PCDHGA5: variants seen among roughly 807,000 people sequenced by gnomAD.
PCDHGA5 encodes protocadherin gamma-A5.
PCDHGA5 carries 36 observed loss-of-function variants against 56.7 expected under a neutral mutation model. That is an observed-to-expected ratio of 0.64 (90% confidence interval 0.49 to 0.84). The LOEUF is 0.84. Among genes scored for constraint, PCDHGA5 ranks in the 40% least tolerant of loss-of-function variants. The pLI is 0.00. For missense variants in PCDHGA5, 1,305 were observed against 1,201.5 expected (o/e 1.09, Z -1.27); for synonymous variants, 563 against 520.2 (o/e 1.08, Z -1.12).
Position 141,477,678 on chromosome 5 carries a change from C to T in PCDHGA5, c.2422-17129C>T, listed in dbSNP as rs967769574. ...AATCGTGACAATGGCATAGTGTCAT[C>T]CTTAGTGCCCCTAGACTATGAGGAT... On this transcript the variant is annotated intron_variant, in intron 1 of 3. Coordinates refer to ENST00000518069, the MANE Select transcript of PCDHGA5 (RefSeq NM_018918.3). This position sits in a 1 kb window ranked among gnomAD's most constrained non-coding sequence, Gnocchi z 4.9. 9.9e-6 allele frequency: 16 copies of T among 1,614,182 alleles called. No homozygotes were observed. The highest frequency in any genetic ancestry group is 1.1e-5 in the Non-Finnish European group (13 of 1,180,046).
chr5:141,374,131 C>T (rs1425329910), intron 1 of PCDHGA5: 4 of 1,604,596 alleles, frequency 2.5e-6, no homozygotes, highest in Non-Finnish European at 8.5e-7. Context: ...AGGTCCTGCT[C>T]CTCACGCTCC....
At chr5:141,402,946 G>A (rs1012771364) in intron 1 of PCDHGA5, 1 of 1,592,686 alleles carries the variant, frequency 6.3e-7, no homozygotes, top group African/African-American at 1.4e-5. Flanking sequence ...TCCAAAGCGA[G>A]GCAGCAATGG....
chr5:141,403,634 A>T, intron 1 of PCDHGA5: 1 of 1,613,920 alleles, frequency 6.2e-7, no homozygotes, highest in Non-Finnish European at 8.5e-7. Flanking sequence ...CACAGTGCGC[A>T]TCCATGTGAC....
intron 1 of PCDHGA5, chr5:141,367,812 C>T (rs1012186611): frequency 2.6e-5 from 4 of 151,872 alleles, no homozygotes; most frequent in African/African-American, 9.7e-5. Context: ...ATAGATAAAC[C>T]CTTTACTTAT....
chr5:141,423,065 G>C, intron 1 of PCDHGA5: 1 of 1,614,138 alleles, frequency 6.2e-7, no homozygotes, highest in Non-Finnish European at 8.5e-7. Flanking sequence ...CTTAAGGCCA[G>C]CGAGCCGGGA....
intron 1 of PCDHGA5, chr5:141,422,738 C>G: frequency 6.2e-7 from 1 of 1,609,538 alleles, no homozygotes; most frequent in Non-Finnish European, 8.5e-7. Flanking sequence ...CCTCTGTCCT[C>G]CTATGTCTCT....
At chr5:141,446,766 C>T (rs1335326278) in intron 1 of PCDHGA5, among the ~76,000 whole-genome samples, 7 of 152,208 alleles carry the variant, frequency 4.6e-5, no homozygotes, top group East Asian at 3.9e-4. Context: ...CGCGCCCAGC[C>T]GGTTACCATT....
intron 3 of PCDHGA5, 61 bp downstream of exon 3, chr5:141,505,542 A>G (rs2099846540): frequency 6.2e-7 from 1 of 1,604,832 alleles, no homozygotes; most frequent in African/African-American, 1.3e-5. Context: ...GGTGCATCTC[A>G]CAGCCACCAT....
Position 141,490,140 on chromosome 5 carries a change from G to T in PCDHGA5, c.2422-4667G>T. On this transcript the variant is annotated intron_variant, in intron 1 of 3. Transcript: ENST00000518069. This position sits in a 1 kb window ranked among gnomAD's most constrained non-coding sequence, Gnocchi z 5.4. Reference sequence around the variant, plus strand: ...TCTTTGGCCTAGACCCTAGCAGTGGGGCAATCCATGTGTTGGGTCCCATAG... The same window carrying T: ...TCTTTGGCCTAGACCCTAGCAGTGGTGCAATCCATGTGTTGGGTCCCATAG... 1 of 1,614,206 alleles carries T rather than the reference G, an allele frequency of 6.2e-7. No homozygotes were observed. The highest frequency in any genetic ancestry group is 8.5e-7 in the Non-Finnish European group (1 of 1,180,026).
intron 1 of PCDHGA5, chr5:141,419,481 C>A (rs2096389716): frequency 2.5e-6 from 4 of 1,612,424 alleles, no homozygotes; most frequent in Non-Finnish European, 3.4e-6. Context: ...GGCTCGCCCG[C>A]GCTCAGCGCC....
intron 1 of PCDHGA5, among the ~76,000 whole-genome samples, chr5:141,456,244 T>C (rs1382294283): frequency 6.6e-6 from 1 of 152,144 alleles, no homozygotes; most frequent in East Asian, 1.9e-4. Context: ...GTTAGGAGGC[T>C]TTGGGCGACC....
rs761938460 is a variant in PCDHGA5 at position 141,393,330 on chromosome 5, AG to A, written c.2421+26580del. On this transcript the variant is annotated intron_variant, in intron 1 of 3. Coordinates refer to ENST00000518069, the MANE Select transcript of PCDHGA5 (RefSeq NM_018918.3). The stretch of plus-strand genomic sequence containing the variant: ...GAACTCCCTCCAGAGCTACCAGCTC[AG>A]CCCCAATCACCACTTCTCCCTGGAC... The A allele has an allele frequency of 3.7e-6, 6 of 1,611,072 alleles. No individual in the cohort carries two copies. In the African/African-American group the frequency reaches 6.8e-5, roughly 18 times the overall value.
At chr5:141,399,758 T>G in intron 1 of PCDHGA5, 1 of 1,613,334 alleles carries the variant, frequency 6.2e-7, no homozygotes, top group Non-Finnish European at 8.5e-7. Context: ...AACGTGAGCC[T>G]GCGCGTGTTG....
chr5:141,404,919 C>T, intron 1 of PCDHGA5: 1 of 1,613,924 alleles, frequency 6.2e-7, no homozygotes, highest in Non-Finnish European at 8.5e-7. Context: ...CCTCTCTCGG[C>T]CACTGTCACG....
At chr5:141,463,773 C>A (rs2099069188) in intron 1 of PCDHGA5, among the ~76,000 whole-genome samples, 1 of 152,088 alleles carries the variant, frequency 6.6e-6, no homozygotes, top group Non-Finnish European at 1.5e-5. Context: ...GGGTTAGAAT[C>A]CTGCACTGTC....
At chr5:141,388,250 G>A in intron 1 of PCDHGA5, 1 of 1,610,522 alleles carries the variant, frequency 6.2e-7, no homozygotes, top group Middle Eastern at 1.7e-4. Flanking sequence ...TGAATGTGGA[G>A]ATCGAGGACA....
At chr5:141,381,826 C>CTTTTTTTTTTTTTTTTTTTTTTTTTTT (rs770630741) in intron 1 of PCDHGA5, among the ~76,000 whole-genome samples, 2 of 74,278 alleles carry the variant, frequency 2.7e-5, no homozygotes, top group African/African-American at 6.2e-5. Flanking sequence ...CTTTCTTCTT[C>CTTTTTTTTTTTTTTTTTTTTTTTTTTT]TTTTTTTTTT....
intron 2 of PCDHGA5, among the ~76,000 whole-genome samples, chr5:141,503,295 T>C (rs567706089): frequency 6.6e-6 from 1 of 152,070 alleles, no homozygotes; most frequent in Non-Finnish European, 1.5e-5. Context: ...TACATAGAAA[T>C]TGCTCAAGAA....
chr5:141,509,595 C>T (rs968797923), intron 3 of PCDHGA5, among the ~76,000 whole-genome samples: 36 of 152,168 alleles, frequency 2.4e-4, no homozygotes, highest in African/African-American at 6.8e-4. Context: ...CTGGCAATTC[C>T]GAGAGGCTGC....
Sources: gnomAD v4.1 joint callset for allele counts (sites outside exome capture counted in the v4.1 genomes callset) on GRCh38, gnomAD v4.1.1 for gene constraint, Gnocchi (gnomAD v3.1) non-coding constraint, MANE v1.5 for transcripts, NCBI Gene and HGNC (gene_info 2026-07-23, HGNC 2026-07-21) for gene names.